Variants in UBAC2 observed in about 807,000 individuals in gnomAD.
UBAC2 encodes the protein ubiquitin-associated domain-containing protein 2.
Under a neutral mutation model 44.0 loss-of-function variants are expected in UBAC2, and 26 were observed. That is an observed-to-expected ratio of 0.59 (90% CI 0.43 to 0.82). The LOEUF (loss-of-function observed/expected upper bound fraction) is 0.82, where lower values mean the gene tolerates loss of function less well. Among genes scored for constraint, UBAC2 ranks in the 40% least tolerant of loss-of-function variants. The pLI, the probability that UBAC2 is intolerant of heterozygous loss-of-function variation, is 0.00. For synonymous variants in UBAC2, 155 were observed against 154.3 expected (o/e 1.00, Z -0.04); for missense variants, 329 against 419.4 (o/e 0.78, Z 1.88).
At chr13:99,342,288 C>A (rs997959122) in intron 7 of UBAC2, among the ~76,000 whole-genome samples, 1 of 152,182 alleles carries the variant, frequency 6.6e-6, no homozygotes, top group African/African-American at 2.4e-5. Flanking sequence ...ATGCGTACGA[C>A]CTCTTTGAAC....
At chr13:99,285,250 AGCTGCTGCT>A (rs377214854) in intron 4 of UBAC2, among the ~76,000 whole-genome samples, 3 of 151,854 alleles carry the variant, frequency 2.0e-5, no homozygotes, top group Non-Finnish European at 4.4e-5. Context: ...TGTCTTAAGT[AGCTGCTGCT>A]GCTGCTGCTG....
At chr13:99,282,269 T>C (rs557333773) in intron 4 of UBAC2, among the ~76,000 whole-genome samples, 1 of 152,302 alleles carries the variant, frequency 6.6e-6, no homozygotes, top group Admixed American at 6.5e-5. Flanking sequence ...ACATGCATGA[T>C]GCTGGGTGGT....
At chr13:99,209,846 G>A (rs1407146760) in intron 1 of UBAC2, among the ~76,000 whole-genome samples, 1 of 152,064 alleles carries the variant, frequency 6.6e-6, no homozygotes, top group Non-Finnish European at 1.5e-5. Flanking sequence ...GGTGGTTGGC[G>A]CCTGTAATCC....
intron 1 of UBAC2, among the ~76,000 whole-genome samples, chr13:99,232,403 TAG>T (rs1185623058): frequency 1.4e-4 from 19 of 136,982 alleles, no homozygotes; most frequent in Non-Finnish European, 2.6e-4. Context: ...TTGAGAGATA[TAG>T]ATATATATAT....
intron 4 of UBAC2, among the ~76,000 whole-genome samples, chr13:99,250,924 AT>A (rs1212232501): frequency 6.6e-6 from 1 of 151,366 alleles, no homozygotes; most frequent in South Asian, 2.1e-4. Flanking sequence ...TTTCTTTTGT[AT>A]TTTTTAGTAG....
intron 4 of UBAC2, chr13:99,296,220 A>G: frequency 7.1e-7 from 1 of 1,399,146 alleles, no homozygotes; most frequent in African/African-American, 1.4e-5. Context: ...CAGTTTGATT[A>G]CTCATTAGTT....
intron 8 of UBAC2, 52 bp downstream of exon 8, chr13:99,367,958 G>A (rs7318947): frequency 0.13 from 209,357 of 1,586,438 alleles, 16,419 homozygotes; most frequent in East Asian, 0.35. Context: ...TTTCAGAGTT[G>A]AAGCAGTTTC....
rs140057816 is a variant in UBAC2 at position 99,352,112 on chromosome 13, A to G, written c.807+11547A>G. Among the ~76,000 whole-genome samples, 346 of 152,244 alleles carry G rather than the reference A, an allele frequency of 2.3e-3. 1 individual carries two copies. Among genetic ancestry groups the G allele is most frequent in the African/African-American group, 7.8e-3 (325 of 41,540 alleles). ...TGCCCTGTCAATCATGAGAGTTCCTATCATTAATCAAGTATTTTGAATTCA... is the reference window on the plus strand; with the variant it reads ...TGCCCTGTCAATCATGAGAGTTCCTGTCATTAATCAAGTATTTTGAATTCA... On this transcript the variant is annotated intron_variant, in intron 7 of 8. Coordinates refer to ENST00000403766, the MANE Select transcript of UBAC2 (RefSeq NM_001144072.2).
At chr13:99,228,252 T>C (rs1371282466) in intron 1 of UBAC2, among the ~76,000 whole-genome samples, 2 of 152,026 alleles carry the variant, frequency 1.3e-5, no homozygotes, top group East Asian at 1.9e-4. Context: ...GGTGTTGTGA[T>C]GGTGCTGGTG....
intron 4 of UBAC2, among the ~76,000 whole-genome samples, chr13:99,254,097 C>T (rs1047318776): frequency 1.3e-5 from 2 of 152,010 alleles, no homozygotes; most frequent in South Asian, 2.1e-4. Flanking sequence ...GACATATGGC[C>T]TGGGAAAAAA....
At chr13:99,264,677 A>G (rs1279869318) in intron 4 of UBAC2, among the ~76,000 whole-genome samples, 1 of 152,082 alleles carries the variant, frequency 6.6e-6, no homozygotes, top group Non-Finnish European at 1.5e-5. Context: ...GGGGTCATCC[A>G]CTTCCGGCCT....
At chr13:99,217,587 G>T (rs2043011465) in intron 1 of UBAC2, among the ~76,000 whole-genome samples, 1 of 152,156 alleles carries the variant, frequency 6.6e-6, no homozygotes, top group South Asian at 2.1e-4. Flanking sequence ...ACCCCGGCTT[G>T]GGGCCAGCTG....
rs138325978 is a variant in UBAC2, at chr13:99,212,124, C to T, written c.31+11185C>T. Among the ~76,000 whole-genome samples, 5 of 152,144 alleles carry T rather than the reference C, an allele frequency of 3.3e-5. No individual in the cohort carries two copies. In the East Asian group the frequency reaches 5.8e-4, roughly 18 times the overall value. On this transcript the variant is annotated intron_variant, in intron 1 of 8. Transcript: ENST00000403766. ...GTCATCTTCCTTTTCCAACTTTTTC[C>T]GTTCTCAACCTGTCTCAATATCAGT...
At chr13:99,374,327 T>A (rs1019307442) in intron 8 of UBAC2, among the ~76,000 whole-genome samples, 1 of 152,204 alleles carries the variant, frequency 6.6e-6, no homozygotes, top group Non-Finnish European at 1.5e-5. Flanking sequence ...TTGGGATCTG[T>A]CTGCTTCCTT....
intron 7 of UBAC2, among the ~76,000 whole-genome samples, chr13:99,361,600 C>T (rs1241716027): frequency 6.6e-6 from 1 of 152,154 alleles, no homozygotes; most frequent in Non-Finnish European, 1.5e-5. Context: ...CAGGGTTTCT[C>T]AACCTAAACA....
intron 7 of UBAC2, among the ~76,000 whole-genome samples, chr13:99,365,908 G>A (rs555538004): frequency 6.1e-4 from 92 of 152,060 alleles, no homozygotes; most frequent in African/African-American, 2.1e-3. Context: ...GTGTTTTGAT[G>A]CCATTGTGTT....
At chr13:99,279,958 G>T (rs1431707460) in intron 4 of UBAC2, among the ~76,000 whole-genome samples, 2 of 152,214 alleles carry the variant, frequency 1.3e-5, no homozygotes, top group East Asian at 3.8e-4. Flanking sequence ...TAGCATAGTG[G>T]CTCCCACATA....
At chr13:99,313,111 A>C (rs900938919) in intron 4 of UBAC2, 9 of 152,356 alleles carry the variant, frequency 5.9e-5, no homozygotes, top group Admixed American at 5.9e-4. Flanking sequence ...CCTCCCGAGT[A>C]GTAGCTGGGA....
At chr13:99,325,098 C>CTTTTT (rs55672515) in intron 6 of UBAC2, among the ~76,000 whole-genome samples, 7 of 86,140 alleles carry the variant, frequency 8.1e-5, no homozygotes, top group Admixed American at 1.4e-4. Context: ...TGTCTATGCT[C>CTTTTT]TTTTTTTTTT....
Sources: gnomAD v4.1 joint callset for allele counts (sites outside exome capture counted in the v4.1 genomes callset) on GRCh38, gnomAD v4.1.1 for gene constraint, MANE v1.5 for transcripts, NCBI Gene and HGNC (gene_info 2026-07-23, HGNC 2026-07-21) for gene names.